SEMA3E: variants seen among roughly 807,000 people sequenced by gnomAD.
SEMA3E encodes the protein semaphorin 3E.
A neutral mutation model predicts 93.6 loss-of-function variants in SEMA3E; 49 were observed. The ratio of observed to expected loss-of-function variants is 0.52; its 90% CI spans 0.42 to 0.66. SEMA3E has a LOEUF of 0.66. Among genes scored for constraint, SEMA3E ranks in the 30% least tolerant of loss-of-function variants. The pLI is 0.00. For missense variants in SEMA3E, 906 were observed against 964.8 expected (o/e 0.94, Z 0.81); for synonymous variants, 363 against 330.7 (o/e 1.10, Z -1.06).
intron 16 of SEMA3E, among the ~76,000 whole-genome samples, chr7:83,382,843 T>A (rs1424116161): frequency 6.6e-6 from 1 of 151,910 alleles, no homozygotes; most frequent in Non-Finnish European, 1.5e-5. Context: ...AGAACCACTA[T>A]AATCTAGAGT....
intron 3 of SEMA3E, among the ~76,000 whole-genome samples, chr7:83,467,765 T>C (rs1399712626): frequency 6.6e-6 from 1 of 152,236 alleles, no homozygotes; most frequent in East Asian, 1.9e-4. Context: ...TCTAAGCTTC[T>C]TGAGGGCAGA....
chr7:83,574,350 G>C (rs1237007566), intron 1 of SEMA3E, among the ~76,000 whole-genome samples: 1 of 151,814 alleles, frequency 6.6e-6, no homozygotes, highest in Non-Finnish European at 1.5e-5. Context: ...ATATGGCATA[G>C]AGCCAGGAGA....
chr7:83,519,817 T>C (rs1362751774), intron 1 of SEMA3E, among the ~76,000 whole-genome samples: 1 of 152,108 alleles, frequency 6.6e-6, no homozygotes, highest in African/African-American at 2.4e-5. Context: ...GGGATATGTA[T>C]CTTTCTTATC....
intron 1 of SEMA3E, among the ~76,000 whole-genome samples, chr7:83,505,976 C>A (rs1373108127): frequency 7.1e-6 from 1 of 140,638 alleles, no homozygotes; most frequent in African/African-American, 2.7e-5. Context: ...GATGGCACCA[C>A]TGCACTCCAG....
At chr7:83,552,524 A>G (rs1791786912) in intron 1 of SEMA3E, among the ~76,000 whole-genome samples, 1 of 152,188 alleles carries the variant, frequency 6.6e-6, no homozygotes, top group Non-Finnish European at 1.5e-5. Context: ...GGGCAAAAAG[A>G]GCCATATTTT....
At chr7:83,647,640 T>C (rs1374110083) in intron 1 of SEMA3E, among the ~76,000 whole-genome samples, 4 of 152,206 alleles carry the variant, frequency 2.6e-5, no homozygotes, top group African/African-American at 4.8e-5. Context: ...ATCTATCTTT[T>C]AATCATTTAT....
rs374758844 is a variant in SEMA3E, at chr7:83,611,948, T to C, written c.115+36480A>G. Among the ~76,000 whole-genome samples the C allele has an allele frequency of 6.1e-4, 93 of 152,194 alleles. 2 individuals carry two copies. In the South Asian group the frequency reaches 0.018, roughly 30 times the overall value. On this transcript the variant is annotated intron_variant, in intron 1 of 16. Transcript: ENST00000643230. The stretch of plus-strand genomic sequence containing the variant: ...GAGGCCCACATGATCAGCTCCCCAA[T>C]TGCCTTGCTGCTTTCATCTCCCACT...
In SEMA3E at chr7:83,396,151, GTATGT is replaced by G. The variant is rs1438994374; in HGVS notation, c.1458+482_1458+486del. Among the ~76,000 whole-genome samples the G allele has an allele frequency of 2.6e-5, 4 of 151,996 alleles. No homozygotes were observed. The East Asian group carries it at 7.7e-4, about 29-fold the overall frequency. ...TATATGTATACACACGTGCACCTAT[GTATGT>G]TAAGTGTATCTGCATATGTAATTGT... On this transcript the variant is annotated intron_variant, in intron 12 of 16. Coordinates refer to ENST00000643230, the MANE Select transcript of SEMA3E (RefSeq NM_012431.3).
chr7:83,604,445 A>G (rs1793062012), intron 1 of SEMA3E, among the ~76,000 whole-genome samples: 1 of 150,268 alleles, frequency 6.7e-6, no homozygotes, highest in African/African-American at 2.4e-5. Context: ...ATATGTATAT[A>G]TATCTTGAAA....
intron 1 of SEMA3E, among the ~76,000 whole-genome samples, chr7:83,544,515 T>A (rs755565371): frequency 2.6e-5 from 4 of 152,166 alleles, no homozygotes; most frequent in African/African-American, 4.8e-5. Flanking sequence ...AAATCCCGGT[T>A]AGCACAGTGC....
intron 1 of SEMA3E, among the ~76,000 whole-genome samples, chr7:83,495,153 A>G (rs1261888447): frequency 1.3e-5 from 2 of 151,892 alleles, no homozygotes; most frequent in African/African-American, 4.8e-5. Flanking sequence ...ATGATTATAT[A>G]ATCATGTTTA....
At chr7:83,609,940 A>G (rs57895211) in intron 1 of SEMA3E, among the ~76,000 whole-genome samples, 42,466 of 151,788 alleles carry the variant, frequency 0.28, 6,558 homozygotes, top group African/African-American at 0.4. Context: ...TAAAAAGCCA[A>G]AGAGACTCCC....
intron 1 of SEMA3E, among the ~76,000 whole-genome samples, chr7:83,557,703 C>A (rs1010444678): frequency 2.6e-5 from 4 of 152,072 alleles, no homozygotes; most frequent in African/African-American, 7.3e-5. Flanking sequence ...ATATATTCCT[C>A]CTTCCTACCG....
intron 3 of SEMA3E, among the ~76,000 whole-genome samples, chr7:83,467,293 CT>C (rs1789788318): frequency 6.6e-6 from 1 of 152,134 alleles, no homozygotes; most frequent in South Asian, 2.1e-4. Flanking sequence ...TCTCAAACTC[CT>C]GGGCTCAAGC....
At chr7:83,543,154 A>C (rs1791573943) in intron 1 of SEMA3E, among the ~76,000 whole-genome samples, 1 of 152,096 alleles carries the variant, frequency 6.6e-6, no homozygotes, top group Non-Finnish European at 1.5e-5. Flanking sequence ...TATTATTGAT[A>C]GTCTTGCACT....
chr7:83,529,712 T>C (rs891689092), intron 1 of SEMA3E, among the ~76,000 whole-genome samples: 4 of 152,230 alleles, frequency 2.6e-5, no homozygotes, highest in Middle Eastern at 3.4e-3. Flanking sequence ...TCCATTGAAC[T>C]GAAATGCTAG....
chr7:83,469,420 C>CTTTTT (rs1789846081), intron 2 of SEMA3E, 118 bp from the exon 3 acceptor site: 1 of 588,934 alleles, frequency 1.7e-6, no homozygotes, highest in Non-Finnish European at 2.8e-6. Context: ...TTTCTGTTTT[C>CTTTTT]TGATAAGATA....
intron 1 of SEMA3E, among the ~76,000 whole-genome samples, chr7:83,504,846 A>G (rs912474721): frequency 1.4e-4 from 21 of 152,126 alleles, no homozygotes; most frequent in Admixed American, 8.5e-4. Flanking sequence ...TGAAATATCC[A>G]ATATACATAA....
intron 1 of SEMA3E, among the ~76,000 whole-genome samples, chr7:83,573,304 A>G (rs1792325143): frequency 6.6e-6 from 1 of 151,908 alleles, no homozygotes; most frequent in Non-Finnish European, 1.5e-5. Flanking sequence ...TGATTTTGTC[A>G]TTTTTATTGT....
Sources: allele counts gnomAD v4.1 joint callset (sites outside exome capture counted in the v4.1 genomes callset), GRCh38; gene constraint gnomAD v4.1.1; transcripts MANE v1.5; gene names NCBI Gene and HGNC (gene_info 2026-07-23, HGNC 2026-07-21).